The following CHCHD3 variants were observed in gnomAD, a reference collection of about 807,000 sequenced individuals.
The protein encoded by CHCHD3 is coiled-coil-helix-coiled-coil-helix domain containing 3.
CHCHD3 carries 20 observed loss-of-function variants against 38.2 expected under a neutral mutation model. The ratio of observed to expected loss-of-function variants is 0.52; its 90% CI spans 0.37 to 0.76. The LOEUF is 0.76. Ranked by LOEUF, CHCHD3 falls within the 30% of genes least tolerant of loss-of-function variation. The probability of loss-of-function intolerance (pLI) is 0.00; values close to 1 mark genes in which losing one functional copy is unlikely to be tolerated. For synonymous variants in CHCHD3, 82 were observed against 100.0 expected, an observed-to-expected ratio of 0.82 and a Z score of 1.07; for missense variants, 245 against 279.2, an observed-to-expected ratio of 0.88 and a Z score of 0.87.
intron 4 of CHCHD3, among the ~76,000 whole-genome samples, chr7:132,966,141 G>C (rs1310634513): frequency 6.6e-6 from 1 of 152,132 alleles, no homozygotes; most frequent in Non-Finnish European, 1.5e-5. Flanking sequence ...AATGATGAAT[G>C]GGCTAAATGA....
rs185848968 is a variant in CHCHD3 at position 132,842,264 on chromosome 7, A to G, written c.454-3795T>C. Among the ~76,000 whole-genome samples the G allele has an allele frequency of 6.1e-3, 933 of 152,214 alleles. 10 individuals are homozygous for G. Among genetic ancestry groups the G allele is most frequent in the Non-Finnish European group, 0.01 (702 of 67,990 alleles). ...AAAAGGTTGGCTAAGTGGGGATTTT[A>G]TATATTCTTGAATACTAAACTGTTG... On this transcript the variant is annotated intron_variant, in intron 5 of 7. Transcript: ENST00000262570.
Position 133,035,870 on chromosome 7 carries a change from C to T in CHCHD3, c.170-11243G>A. 1 of 1,612,946 alleles carries T rather than the reference C, an allele frequency of 6.2e-7. No individual in the cohort carries two copies. The highest frequency in any genetic ancestry group is 8.5e-7 in the Non-Finnish European group (1 of 1,179,010). The stretch of plus-strand genomic sequence containing the variant: ...CGCTGTACTGAGCAGCGATGAGAGC[C>T]TTGAAGGCCCTCCAGTTTTCAGGAT... On this transcript the variant is annotated intron_variant, in intron 2 of 7. Transcript: ENST00000262570. This position sits in a 1 kb window ranked among gnomAD's most constrained non-coding sequence, Gnocchi z 4.7.
intron 3 of CHCHD3, among the ~76,000 whole-genome samples, chr7:132,996,164 CAT>C: frequency 6.6e-6 from 1 of 152,318 alleles, no homozygotes; most frequent in Non-Finnish European, 1.5e-5. Context: ...TAAAATGCTC[CAT>C]GTTCTGATTC....
Position 132,828,781 on chromosome 7 carries a change from G to A in CHCHD3, c.524+9618C>T, listed in dbSNP as rs183137045. 4.6e-5 allele frequency among the ~76,000 whole-genome samples: 7 copies of A among 152,278 alleles called. No homozygotes were observed. In the East Asian group the frequency reaches 1.4e-3, roughly 29 times the overall value. Reference sequence around the variant, plus strand: ...GGATAGGCTTACCAAACTCTGGAGTGATAAGACATAATTAATTTGATGTTA... The same window carrying A: ...GGATAGGCTTACCAAACTCTGGAGTAATAAGACATAATTAATTTGATGTTA... On this transcript the variant is annotated intron_variant, in intron 6 of 7. Transcript: ENST00000262570.
At chr7:132,939,113 A>G (rs1350324040) in intron 4 of CHCHD3, among the ~76,000 whole-genome samples, 1 of 152,208 alleles carries the variant, frequency 6.6e-6, no homozygotes, top group Non-Finnish European at 1.5e-5. Context: ...GATGGAGCAC[A>G]TGTGTGACAG....
At chr7:133,012,047 C>T in intron 3 of CHCHD3, among the ~76,000 whole-genome samples, 1 of 152,174 alleles carries the variant, frequency 6.6e-6, no homozygotes, top group Non-Finnish European at 1.5e-5. Flanking sequence ...TGATGTTACC[C>T]TCAACTTTCT....
chr7:133,022,424 T>C (rs1394779193), intron 3 of CHCHD3: 1 of 456,730 alleles, frequency 2.2e-6, no homozygotes. Flanking sequence ...ATACATGTTC[T>C]GTGACTCCAA....
chr7:132,908,355 A>G (rs1016571721), intron 4 of CHCHD3, among the ~76,000 whole-genome samples: 7 of 152,194 alleles, frequency 4.6e-5, no homozygotes, highest in African/African-American at 1.7e-4. Context: ...AGAGGCTACT[A>G]TATAAAGTCC....
chr7:133,070,046 A>G (rs1383966226), intron 2 of CHCHD3, 96 bp downstream of exon 2: 2 of 827,046 alleles, frequency 2.4e-6, no homozygotes, highest in East Asian at 2.6e-5. Context: ...CATCTAAATA[A>G]CGAAAGACAG....
chr7:132,883,460 C>T (rs1809122439), intron 5 of CHCHD3, among the ~76,000 whole-genome samples: 1 of 152,164 alleles, frequency 6.6e-6, no homozygotes, highest in Non-Finnish European at 1.5e-5. Flanking sequence ...GACATCAGAG[C>T]CTTGTGCTCT....
At chr7:133,058,157 GA>G (rs1258878952) in intron 2 of CHCHD3, among the ~76,000 whole-genome samples, 7 of 151,842 alleles carry the variant, frequency 4.6e-5, no homozygotes, top group African/African-American at 1.7e-4. Flanking sequence ...CAAGGAAAAA[GA>G]AACAGGTGAT....
chr7:132,791,820 G>C (rs1466941890), intron 7 of CHCHD3, among the ~76,000 whole-genome samples: 1 of 152,144 alleles, frequency 6.6e-6, no homozygotes, highest in Non-Finnish European at 1.5e-5. Context: ...CCTTAAGTTG[G>C]AGAGCTGTCA....
intron 4 of CHCHD3, among the ~76,000 whole-genome samples, chr7:132,908,876 CTTAA>C (rs1342157961): frequency 6.6e-6 from 1 of 152,086 alleles, no homozygotes; most frequent in Non-Finnish European, 1.5e-5. Flanking sequence ...AATGCTAGGT[CTTAA>C]TTAAATTCTC....
At chr7:133,007,239 T>C (rs372155715) in intron 3 of CHCHD3, among the ~76,000 whole-genome samples, 2 of 152,158 alleles carry the variant, frequency 1.3e-5, no homozygotes, top group African/African-American at 2.4e-5. Context: ...TAATAAAGAA[T>C]TGACAATGGC....
Position 132,796,470 on chromosome 7 carries a change from T to C in CHCHD3, c.632A>G (p.Tyr211Cys), listed in dbSNP as rs1317149573. Residue 211 changes from tyrosine to cysteine, a missense_variant, in exon 7 of 8, where the codon TAT becomes TGT. Physicochemically the swap from Tyr to Cys is radical, Grantham distance 194. Coordinates refer to ENST00000262570, the MANE Select transcript of CHCHD3 (RefSeq NM_017812.4). Reference sequence around the variant, plus strand: ...TTTGGCATGATTGACACAGTGCATATACTGGGTGGCCAGAGCGGAGCATTT... The same window carrying C: ...TTTGGCATGATTGACACAGTGCATACACTGGGTGGCCAGAGCGGAGCATTT... ...TLKCSALATQ[Y>C]MHCVNHAKQS... 4 of 1,613,780 alleles carry C rather than the reference T, an allele frequency of 2.5e-6. No homozygotes were observed. In the South Asian group the frequency reaches 3.3e-5, roughly 13 times the overall value.
At chr7:132,971,181 C>T (rs1811603850) in intron 4 of CHCHD3, among the ~76,000 whole-genome samples, 3 of 152,110 alleles carry the variant, frequency 2.0e-5, no homozygotes, top group Admixed American at 2.0e-4. Context: ...TTACAAATTC[C>T]CTGGTCCTGT....
chr7:132,980,263 A>G (rs1216877127), intron 3 of CHCHD3, among the ~76,000 whole-genome samples: 2 of 152,216 alleles, frequency 1.3e-5, no homozygotes, highest in African/African-American at 4.8e-5. Context: ...TTTATATGTA[A>G]AGGCAGGAGA....
chr7:132,838,551 T>A, intron 5 of CHCHD3, 82 bp from the exon 6 acceptor site: 1 of 1,045,368 alleles, frequency 9.6e-7, no homozygotes, highest in South Asian at 1.4e-5. Flanking sequence ...AAAAAACACA[T>A]AAAACCTTGT....
chr7:132,873,875 T>A (rs1024104348), intron 5 of CHCHD3, among the ~76,000 whole-genome samples: 2 of 152,188 alleles, frequency 1.3e-5, no homozygotes, highest in African/African-American at 4.8e-5. Flanking sequence ...GAGTAGTAAT[T>A]ACACTGATGT....
Sources: allele counts gnomAD v4.1 joint callset (sites outside exome capture counted in the v4.1 genomes callset), GRCh38; gene constraint gnomAD v4.1.1; non-coding constraint Gnocchi (gnomAD v3.1); transcripts MANE v1.5; gene names NCBI Gene and HGNC (gene_info 2026-07-23, HGNC 2026-07-21).